Variants in PDE8B observed in about 807,000 individuals in gnomAD.
PDE8B encodes the protein high affinity cAMP-specific and IBMX-insensitive 3',5'-cyclic phosphodiesterase 8B.
In PDE8B, 26 loss-of-function variants were observed where a neutral mutation model predicts 101.3. The observed-to-expected ratio is 0.26, with a 90% CI of 0.19 to 0.36. PDE8B has a LOEUF of 0.36. Among genes scored for constraint, PDE8B ranks in the 10% least tolerant of loss-of-function variants. The pLI, the probability that PDE8B is intolerant of heterozygous loss-of-function variation, is 1.00. For synonymous variants in PDE8B, 424 were observed against 429.3 expected (o/e 0.99, Z 0.15); for missense variants, 810 against 1,163.1 (o/e 0.70, Z 4.42).
At chr5:77,107,598 A>G in the PDE8B span, among the ~76,000 whole-genome samples, 1 of 152,158 alleles carries the variant, frequency 6.6e-6, no homozygotes, top group African/African-American at 2.4e-5. Flanking sequence ...TTGCCTGTTC[A>G]CCATCTTAGG....
the PDE8B span, among the ~76,000 whole-genome samples, chr5:77,109,927 G>GTTTT: frequency 1.7e-3 from 116 of 67,234 alleles, 23 homozygotes; most frequent in South Asian, 3.6e-3. Context: ...TTGTATTTCA[G>GTTTT]TTTTTTTTTT....
chr5:77,376,679 T>C (rs1045219082), intron 10 of PDE8B, among the ~76,000 whole-genome samples: 4 of 152,210 alleles, frequency 2.6e-5, no homozygotes, highest in African/African-American at 9.7e-5. Flanking sequence ...TTCAGAACCT[T>C]AGGACACACA....
chr5:77,185,541 C>G, the PDE8B span, among the ~76,000 whole-genome samples: 1 of 152,152 alleles, frequency 6.6e-6, no homozygotes, highest in Admixed American at 6.5e-5. Flanking sequence ...TTCTGAGGTA[C>G]TGGGAGTTAG....
At chr5:77,115,521 G>A in the PDE8B span, among the ~76,000 whole-genome samples, 3 of 152,240 alleles carry the variant, frequency 2.0e-5, no homozygotes, top group Non-Finnish European at 4.4e-5. Context: ...GGAAGTTTGA[G>A]GGAAAGAATG....
intron 1 of PDE8B, among the ~76,000 whole-genome samples, chr5:77,240,148 A>ATTTGTTTTGT (rs1244841415): frequency 6.6e-6 from 1 of 151,620 alleles, no homozygotes; most frequent in Admixed American, 6.6e-5. Context: ...GGCAATTTAA[A>ATTTGTTTTGT]TTTGTTTTGT....
the PDE8B span, among the ~76,000 whole-genome samples, chr5:77,162,344 C>T: frequency 6.6e-6 from 1 of 152,086 alleles, no homozygotes; most frequent in Non-Finnish European, 1.5e-5. Flanking sequence ...ATATCAGTTT[C>T]CCCTAAGTTC....
intron 1 of PDE8B, among the ~76,000 whole-genome samples, chr5:77,305,105 T>C (rs1770877471): frequency 6.6e-6 from 1 of 152,118 alleles, no homozygotes; most frequent in Admixed American, 6.5e-5. Flanking sequence ...CTCAAAAGAA[T>C]AGACTAGTGG....
chr5:77,265,369 G>A (rs566617988), intron 1 of PDE8B, among the ~76,000 whole-genome samples: 18 of 152,180 alleles, frequency 1.2e-4, no homozygotes, highest in African/African-American at 2.6e-4. Context: ...TTTCTTATTT[G>A]CTGTCAGAAA....
chr5:77,299,843 G>A (rs1164440374), intron 1 of PDE8B, among the ~76,000 whole-genome samples: 3 of 152,098 alleles, frequency 2.0e-5, no homozygotes, highest in Non-Finnish European at 4.4e-5. Context: ...CTGAGGAATC[G>A]CCACACTGAC....
chr5:77,262,664 G>A (rs527328520), intron 1 of PDE8B, among the ~76,000 whole-genome samples: 9 of 152,292 alleles, frequency 5.9e-5, no homozygotes, highest in South Asian at 4.1e-4. Flanking sequence ...GTTGCATACC[G>A]GAATTGGTTG....
At chr5:77,391,922 G>A (rs1790028018) in intron 10 of PDE8B, among the ~76,000 whole-genome samples, 1 of 152,148 alleles carries the variant, frequency 6.6e-6, no homozygotes, top group Non-Finnish European at 1.5e-5. Flanking sequence ...CAATTTGCAA[G>A]GCAAAAGTTT....
the PDE8B span, chr5:77,146,914 G>A: frequency 2.3e-6 from 1 of 434,188 alleles, no homozygotes; most frequent in Admixed American, 2.7e-5. Context: ...GAAAATCAAA[G>A]GAGAACATCC....
chr5:77,236,548 C>T (rs1021847813), intron 1 of PDE8B, among the ~76,000 whole-genome samples: 18 of 152,166 alleles, frequency 1.2e-4, no homozygotes, highest in Admixed American at 1.1e-3. Context: ...TTAACTGTGT[C>T]ACATGCTGCT....
Position 77,311,981 on chromosome 5 carries a change from G to T in PDE8B, c.340-13G>T. The T allele has an allele frequency of 6.2e-7, 1 of 1,610,650 alleles. No homozygotes were observed. The highest frequency in any genetic ancestry group is 1.1e-5 in the South Asian group (1 of 90,986). ...TAAGACTTGACGCTTCTCTTGTGCT[G>T]TCCTTTATTTAGCAGGTGTCTTCTG... On this transcript the variant is annotated splice_polypyrimidine_tract_variant and intron_variant, in intron 1 of 21. Transcript: ENST00000264917.
the PDE8B span, among the ~76,000 whole-genome samples, chr5:77,189,174 G>A: frequency 6.6e-6 from 1 of 152,190 alleles, no homozygotes; most frequent in African/African-American, 2.4e-5. Context: ...GACACAGGCG[G>A]CCTAGGACAC....
chr5:77,377,288 C>T (rs1786320779), intron 10 of PDE8B, among the ~76,000 whole-genome samples: 1 of 152,202 alleles, frequency 6.6e-6, no homozygotes, highest in African/African-American at 2.4e-5. Context: ...AGAGAACCAG[C>T]ATGATCTGGG....
chr5:77,303,339 A>C (rs56098935), intron 1 of PDE8B, among the ~76,000 whole-genome samples: 11,339 of 152,236 alleles, frequency 0.074, 585 homozygotes, highest in Non-Finnish European at 0.11. Flanking sequence ...CAGGAATTCA[A>C]GACCAGCCTG....
chr5:77,394,707 CTA>C (rs1331795237), intron 10 of PDE8B, among the ~76,000 whole-genome samples: 1 of 152,170 alleles, frequency 6.6e-6, no homozygotes, highest in African/African-American at 2.4e-5. Flanking sequence ...AGAGATATAA[CTA>C]TTTCACATAA....
At chr5:77,117,395 T>G in the PDE8B span, among the ~76,000 whole-genome samples, 1 of 152,206 alleles carries the variant, frequency 6.6e-6, no homozygotes, top group Non-Finnish European at 1.5e-5. Context: ...ACCTAGGTTT[T>G]ATGTGAACTT....
Sources: allele counts gnomAD v4.1 joint callset (sites outside exome capture counted in the v4.1 genomes callset), GRCh38; gene constraint gnomAD v4.1.1; transcripts MANE v1.5; gene names NCBI Gene and HGNC (gene_info 2026-07-23, HGNC 2026-07-21).